PDE1C: variants seen among roughly 807,000 people sequenced by gnomAD.
PDE1C encodes phosphodiesterase 1C.
Under a neutral mutation model 93.1 loss-of-function variants are expected in PDE1C, and 62 were observed. That is an observed-to-expected ratio of 0.67 (90% CI 0.54 to 0.82). The LOEUF is 0.82. Ranked by LOEUF, PDE1C falls within the 40% of genes least tolerant of loss-of-function variation. The pLI is 0.00. For missense variants in PDE1C, 742 were observed against 884.6 expected (o/e 0.84, Z 2.04); for synonymous variants, 325 against 310.1 (o/e 1.05, Z -0.50).
intron 3 of PDE1C, among the ~76,000 whole-genome samples, chr7:32,098,602 T>A (rs1245004131): frequency 6.6e-6 from 1 of 152,194 alleles, no homozygotes; most frequent in Non-Finnish European, 1.5e-5. Context: ...AATCCACATT[T>A]AACTGATTCC....
chr7:31,987,612 G>A (rs779248538), intron 2 of PDE1C, among the ~76,000 whole-genome samples: 2 of 152,166 alleles, frequency 1.3e-5, no homozygotes, highest in Non-Finnish European at 2.9e-5. Context: ...CCAGGGTCTT[G>A]GATAATAAAA....
chr7:31,842,811 G>C (rs960068991), intron 9 of PDE1C, among the ~76,000 whole-genome samples: 2 of 151,184 alleles, frequency 1.3e-5, no homozygotes, highest in African/African-American at 4.9e-5. Context: ...TACTGTTTTG[G>C]TCTAGCTTCC....
intron 3 of PDE1C, among the ~76,000 whole-genome samples, chr7:32,136,815 C>G (rs945877592): frequency 3.9e-5 from 6 of 152,154 alleles, no homozygotes; most frequent in Non-Finnish European, 8.8e-5. Flanking sequence ...GTGTCTGGGC[C>G]TAACACAATC....
In PDE1C at chr7:32,392,878, G is replaced by A. The variant is rs141076148; in HGVS notation, c.310+34944C>T. Among the ~76,000 whole-genome samples the A allele has an allele frequency of 3.4e-3, 512 of 151,502 alleles. 3 individuals carry two copies. The highest frequency in any genetic ancestry group is 0.012 in the African/African-American group (493 of 41,302). On this transcript the variant is annotated intron_variant, in intron 1 of 1. Coordinates refer to the PDE1C transcript ENST00000672256. ...AGGCTGACCAACATGCAGAAACCCCGTCTCTACTAAAAATACAAAAATTAG... is the reference window on the plus strand; with the variant it reads ...AGGCTGACCAACATGCAGAAACCCCATCTCTACTAAAAATACAAAAATTAG...
At chr7:32,424,899 C>G (rs182854745) in intron 1 of PDE1C, among the ~76,000 whole-genome samples, 1 of 152,146 alleles carries the variant, frequency 6.6e-6, no homozygotes, top group Non-Finnish European at 1.5e-5. Context: ...GCATTTAAGA[C>G]AAGCAGCATA....
intron 2 of PDE1C, among the ~76,000 whole-genome samples, chr7:31,935,739 A>G (rs1804959692): frequency 6.6e-6 from 1 of 152,150 alleles, no homozygotes; most frequent in East Asian, 1.9e-4. Context: ...TAGTATAAAT[A>G]AAATGCTATG....
intron 2 of PDE1C, among the ~76,000 whole-genome samples, chr7:31,939,700 C>T (rs1335329622): frequency 6.6e-6 from 1 of 152,124 alleles, no homozygotes; most frequent in East Asian, 1.9e-4. Flanking sequence ...AGAAGATAGT[C>T]ACTAACTCTT....
At chr7:31,955,548 C>T (rs1300322106) in intron 2 of PDE1C, among the ~76,000 whole-genome samples, 3 of 151,988 alleles carry the variant, frequency 2.0e-5, no homozygotes, top group Non-Finnish European at 4.4e-5. Flanking sequence ...TCCTTGTGCC[C>T]AAAATGGGGT....
intron 1 of PDE1C, among the ~76,000 whole-genome samples, chr7:32,257,294 C>A (rs1444788120): frequency 6.6e-6 from 1 of 152,160 alleles, no homozygotes; most frequent in Non-Finnish European, 1.5e-5. Context: ...TGGCTTCCTG[C>A]GTCAGGTTCA....
chr7:32,164,324 A>G, intron 3 of PDE1C, among the ~76,000 whole-genome samples: 1 of 152,244 alleles, frequency 6.6e-6, no homozygotes, highest in East Asian at 1.9e-4. Flanking sequence ...GCAATAGAAT[A>G]GGGCCAGTCT....
At chr7:31,766,737 T>C (rs1289611470) in intron 17 of PDE1C, among the ~76,000 whole-genome samples, 3 of 152,206 alleles carry the variant, frequency 2.0e-5, no homozygotes, top group African/African-American at 7.2e-5. Context: ...TTGTTGCAAC[T>C]TGCTTTACTT....
chr7:31,813,374 T>G (rs1787791159), intron 15 of PDE1C, among the ~76,000 whole-genome samples: 1 of 152,104 alleles, frequency 6.6e-6, no homozygotes, highest in Admixed American at 6.5e-5. Context: ...GGGGGAAAAG[T>G]CCTGTGCCTG....
intron 3 of PDE1C, among the ~76,000 whole-genome samples, chr7:32,117,202 G>A (rs1303161855): frequency 6.6e-6 from 1 of 152,064 alleles, no homozygotes; most frequent in East Asian, 1.9e-4. Flanking sequence ...TTGTTTTAAA[G>A]GTCAAAAGGA....
chr7:32,141,699 C>T (rs1038078740), intron 3 of PDE1C, among the ~76,000 whole-genome samples: 4 of 152,150 alleles, frequency 2.6e-5, no homozygotes, highest in African/African-American at 9.7e-5. Flanking sequence ...CAGTGTGGTA[C>T]CCTGGATGGG....
intron 2 of PDE1C, among the ~76,000 whole-genome samples, chr7:32,171,438 T>C (rs1459354215): frequency 6.6e-6 from 1 of 151,074 alleles, no homozygotes; most frequent in Non-Finnish European, 1.5e-5. Flanking sequence ...ATGCACAGAC[T>C]TTTTTTGTCA....
chr7:32,210,918 A>G (rs757771320), intron 1 of PDE1C, among the ~76,000 whole-genome samples: 8 of 152,110 alleles, frequency 5.3e-5, no homozygotes, highest in Non-Finnish European at 1.0e-4. Context: ...CAGCATTTCA[A>G]AAAAAGAAAG....
At chr7:31,845,652 A>G (rs1285705603) in intron 9 of PDE1C, among the ~76,000 whole-genome samples, 1 of 152,058 alleles carries the variant, frequency 6.6e-6, no homozygotes, top group Non-Finnish European at 1.5e-5. Context: ...CGTATCCCAG[A>G]ACTTAAAATA....
At chr7:32,150,948 A>G (rs1801211911) in intron 3 of PDE1C, among the ~76,000 whole-genome samples, 1 of 152,164 alleles carries the variant, frequency 6.6e-6, no homozygotes, top group African/African-American at 2.4e-5. Flanking sequence ...AGGAGGAAGC[A>G]GCTTGCATGA....
intron 2 of PDE1C, among the ~76,000 whole-genome samples, chr7:32,021,947 A>G (rs1165162219): frequency 6.6e-6 from 1 of 152,056 alleles, no homozygotes. Context: ...AATATCCAAT[A>G]CCTTCTGTCT....
Sources: gnomAD v4.1 joint callset for allele counts (sites outside exome capture counted in the v4.1 genomes callset) on GRCh38, gnomAD v4.1.1 for gene constraint, MANE v1.5 for transcripts, NCBI Gene and HGNC (gene_info 2026-07-23, HGNC 2026-07-21) for gene names.